The following HIBCH variants were observed in gnomAD, a reference collection of about 807,000 sequenced individuals.
HIBCH encodes 3-hydroxyisobutyryl-CoA hydrolase, mitochondrial.
In HIBCH, 50 loss-of-function variants were observed where a neutral mutation model predicts 58.2. That is an observed-to-expected ratio of 0.86 (90% CI 0.68 to 1.09). HIBCH has a LOEUF of 1.09. Ranked by LOEUF, HIBCH falls within the 50% of genes least tolerant of loss-of-function variation. The probability of loss-of-function intolerance (pLI) is 0.00; values close to 1 mark genes in which losing one functional copy is unlikely to be tolerated. For synonymous variants in HIBCH, 151 were observed against 146.9 expected (o/e 1.03, Z -0.20); for missense variants, 450 against 449.7 (o/e 1.00, Z -0.01).
In HIBCH at chr2:190,305,720, T is replaced by C. The variant is rs1283272081; in HGVS notation, c.78+5034A>G. ...TACGTAAGAACTCTGTACTATCTTT[T>C]TAACTTTTCAATAGATCTAAAACTG... is the stretch of plus-strand genomic sequence containing the variant. On this transcript the variant is annotated intron_variant, in intron 2 of 13. Transcript: ENST00000359678. 2.6e-5 allele frequency among the ~76,000 whole-genome samples: 4 copies of C among 152,312 alleles called. 1 individual carries two copies. Among genetic ancestry groups the C allele is most frequent in the Non-Finnish European group, 1.5e-5 (1 of 68,036 alleles).
chr2:190,256,090 AACTC>A (rs1188911962), intron 7 of HIBCH, among the ~76,000 whole-genome samples: 8 of 152,088 alleles, frequency 5.3e-5, no homozygotes, highest in Non-Finnish European at 1.0e-4. Flanking sequence ...CTCTTGTAAG[AACTC>A]ACTATCATGA....
chr2:190,276,763 ATTC>A (rs1687563800), intron 6 of HIBCH, among the ~76,000 whole-genome samples: 1 of 152,180 alleles, frequency 6.6e-6, no homozygotes, highest in African/African-American at 2.4e-5. Context: ...AGCCTCAGGT[ATTC>A]TTCTATAGGA....
At chr2:190,241,005 G>A (rs1686437865) in intron 11 of HIBCH, among the ~76,000 whole-genome samples, 1 of 152,176 alleles carries the variant, frequency 6.6e-6, no homozygotes, top group African/African-American at 2.4e-5. Flanking sequence ...TTGGTCCAGA[G>A]CTGAGTTCAA....
At chr2:190,251,521 A>C (rs1229382452) in intron 8 of HIBCH, 1 of 449,336 alleles carries the variant, frequency 2.2e-6, no homozygotes, top group Non-Finnish European at 4.6e-6. Context: ...ATGTAACACA[A>C]GGAGTTTCAA....
intron 6 of HIBCH, among the ~76,000 whole-genome samples, chr2:190,271,178 T>C (rs1002152915): frequency 2.0e-5 from 3 of 151,552 alleles, no homozygotes; most frequent in African/African-American, 7.3e-5. Flanking sequence ...TCATTCTTGC[T>C]CCACTTTATC....
At chr2:190,238,722 C>T (rs1575715608) in intron 11 of HIBCH, among the ~76,000 whole-genome samples, 1 of 152,254 alleles carries the variant, frequency 6.6e-6, no homozygotes, top group Non-Finnish European at 1.5e-5. Flanking sequence ...TGTGGCCCCC[C>T]AAAGTGCTGG....
chr2:190,303,930 A>G (rs1688336195), intron 2 of HIBCH, among the ~76,000 whole-genome samples: 1 of 152,178 alleles, frequency 6.6e-6, no homozygotes, highest in African/African-American at 2.4e-5. Context: ...TATTCTTGCC[A>G]AAAACCTTAA....
chr2:190,228,985 T>C (rs1006023074), intron 11 of HIBCH, among the ~76,000 whole-genome samples: 2 of 152,148 alleles, frequency 1.3e-5, no homozygotes, highest in Non-Finnish European at 2.9e-5. Context: ...ACAAGTTTTA[T>C]CTAGACATGG....
At chr2:190,191,101 G>A (rs1216984557) in intron 1 of HIBCH, among the ~76,000 whole-genome samples, 1 of 152,070 alleles carries the variant, frequency 6.6e-6, no homozygotes, top group Non-Finnish European at 1.5e-5. Context: ...GTCAACTTTT[G>A]GCAATTATAA....
At chr2:190,303,660 C>G (rs137893465) in intron 2 of HIBCH, among the ~76,000 whole-genome samples, 9 of 152,276 alleles carry the variant, frequency 5.9e-5, no homozygotes, top group African/African-American at 2.2e-4. Flanking sequence ...ATGTAGTTAT[C>G]TCCCTTCCAA....
At chr2:190,193,539 G>C (rs1448602731) in intron 1 of HIBCH, among the ~76,000 whole-genome samples, 1 of 152,096 alleles carries the variant, frequency 6.6e-6, no homozygotes, top group Non-Finnish European at 1.5e-5. Flanking sequence ...AGGGCCTGGA[G>C]GTTTCTTTTT....
rs930727370 is a variant in HIBCH, at chr2:190,209,693, C to A, written c.1012-780G>T. Among the ~76,000 whole-genome samples the A allele has an allele frequency of 2.0e-5, 3 of 152,274 alleles. No individual in the cohort carries two copies. In the East Asian group the frequency reaches 5.8e-4, roughly 29 times the overall value. ...GACCATCCCTTTTTCAAAGACCAGT[C>A]CTCCCTTGCATTCCAATTCACATCC... On this transcript the variant is annotated intron_variant, in intron 12 of 13. Transcript: ENST00000359678. This position sits in a 1 kb window ranked among gnomAD's most constrained non-coding sequence, Gnocchi z 5.6.
intron 7 of HIBCH, among the ~76,000 whole-genome samples, chr2:190,256,023 A>C (rs965552995): frequency 1.3e-5 from 2 of 152,164 alleles, no homozygotes; most frequent in Admixed American, 6.5e-5. Flanking sequence ...CTCACATGGT[A>C]GTAGGAGAAA....
chr2:190,294,722 T>C, intron 3 of HIBCH, 92 bp from the exon 4 acceptor site: 1 of 813,510 alleles, frequency 1.2e-6, no homozygotes, highest in Non-Finnish European at 2.1e-6. Flanking sequence ...AATCATATAT[T>C]CATATACATA....
chr2:190,191,831 T>C (rs945727100), intron 1 of HIBCH, among the ~76,000 whole-genome samples: 17 of 152,198 alleles, frequency 1.1e-4, no homozygotes. Context: ...TGCTATTGAG[T>C]TTTGATACTT....
rs1690335301 is a variant in HIBCH at position 190,204,313 on chromosome 2, GTC to G, written c.*802_*803del. 1.3e-5 allele frequency: 2 copies of G among 152,168 alleles called. No individual in the cohort carries two copies. The highest frequency in any genetic ancestry group is 2.1e-4 in the South Asian group (1 of 4,826). The allele number at this position is 152,168 out of a possible 1,614,324, so 9.4% of individuals were successfully genotyped here. A position where few individuals can be genotyped will look rare whatever the true frequency, so the allele number is the denominator to read the frequency against. ...TACGTAAATTATAAAAAAACAGAGT[GTC>G]TCTATCTAAGAGATTGGAGTTTCCT... On this transcript the variant is annotated 3_prime_UTR_variant, in exon 14 of 14. Transcript: ENST00000359678.
chr2:190,270,808 CTA>C (rs1279366527), intron 6 of HIBCH, among the ~76,000 whole-genome samples: 1 of 152,022 alleles, frequency 6.6e-6, no homozygotes, highest in African/African-American at 2.4e-5. Flanking sequence ...AAGATTTTTA[CTA>C]TGTTTCTCAT....
At chr2:190,314,321 G>GTA (rs1188324512) in intron 1 of HIBCH, among the ~76,000 whole-genome samples, 1 of 9,512 alleles carries the variant, frequency 1.1e-4, no homozygotes, top group Non-Finnish European at 1.1e-3. Flanking sequence ...GTATATATAT[G>GTA]TATATATGTA....
chr2:190,209,075 C>T lies in HIBCH; in HGVS notation c.1012-162G>A, dbSNP rs1002607796. Reference sequence around the variant, plus strand: ...CTCTGATAGCCCACTCTCTGATCACCACCTCCTAAATCTTATTTGCTCAAG... The same window carrying T: ...CTCTGATAGCCCACTCTCTGATCACTACCTCCTAAATCTTATTTGCTCAAG... On this transcript the variant is annotated intron_variant, in intron 12 of 13. Transcript: ENST00000359678. This position sits in a 1 kb window ranked among gnomAD's most constrained non-coding sequence, Gnocchi z 5.6. Among the ~76,000 whole-genome samples the T allele has an allele frequency of 1.3e-5, 2 of 152,100 alleles. No homozygotes were observed. The highest frequency in any genetic ancestry group is 2.9e-5 in the Non-Finnish European group (2 of 68,016).
Sources: allele counts gnomAD v4.1 joint callset (sites outside exome capture counted in the v4.1 genomes callset), GRCh38; gene constraint gnomAD v4.1.1; non-coding constraint Gnocchi (gnomAD v3.1); transcripts MANE v1.5; gene names NCBI Gene and HGNC (gene_info 2026-07-23, HGNC 2026-07-21).